Variants in VPS13D observed in about 807,000 individuals in gnomAD.
The protein encoded by VPS13D is intermembrane lipid transfer protein VPS13D.
A neutral mutation model predicts 461.9 loss-of-function variants in VPS13D; 187 were observed. The observed-to-expected ratio is 0.40, with a 90% CI of 0.36 to 0.46. The LOEUF (loss-of-function observed/expected upper bound fraction) is 0.46. Among genes scored for constraint, VPS13D ranks in the 20% least tolerant of loss-of-function variants. VPS13D has a pLI of 0.60. For missense variants in VPS13D, 4,711 were observed against 5,364.9 expected (o/e 0.88, Z 3.81); for synonymous variants, 1,951 against 1,986.3 (o/e 0.98, Z 0.47).
At chr1:12,432,385 A>G (rs1485857176) in intron 65 of VPS13D, among the ~76,000 whole-genome samples, 1 of 146,982 alleles carries the variant, frequency 6.8e-6, no homozygotes, top group East Asian at 2.0e-4. Context: ...CAAGAGCAAA[A>G]CTCCGTCTCA....
chr1:12,323,570 G>A (rs1643100635), intron 34 of VPS13D, 136 bp from the exon 35 acceptor site: 2 of 728,672 alleles, frequency 2.7e-6, no homozygotes, highest in African/African-American at 1.8e-5. Flanking sequence ...TCTCCAATTA[G>A]GAGTCCAGTT....
At chr1:12,432,039 C>T (rs748225009) in intron 65 of VPS13D, among the ~76,000 whole-genome samples, 3 of 152,074 alleles carry the variant, frequency 2.0e-5, no homozygotes, top group Admixed American at 6.6e-5. Context: ...TCTAAATGTT[C>T]ATATGTTTTT....
At chr1:12,238,835 A>G (rs951355812) in intron 2 of VPS13D, among the ~76,000 whole-genome samples, 6 of 151,836 alleles carry the variant, frequency 4.0e-5, no homozygotes, top group South Asian at 4.2e-4. Flanking sequence ...GGGTTTCACT[A>G]TGTTGCCTAG....
rs986892406 is a variant in VPS13D at position 12,290,445 on chromosome 1, G to A, written c.5726-553G>A. 2.0e-5 allele frequency among the ~76,000 whole-genome samples: 3 copies of A among 152,062 alleles called. No individual in the cohort carries two copies. In the South Asian group the frequency reaches 6.2e-4, roughly 32 times the overall value. On this transcript the variant is annotated intron_variant, in intron 22 of 69. Transcript: ENST00000620676. ...TATCCTTTAAATATGTAATGTTGCC[G>A]GGCGCGGTGGCTCACACCTGTAATC...
chr1:12,368,046 T>G (rs548843248), intron 52 of VPS13D, among the ~76,000 whole-genome samples: 32 of 152,288 alleles, frequency 2.1e-4, no homozygotes, highest in African/African-American at 7.7e-4. Context: ...GCTGGGATTA[T>G]AGGTGTGAGC....
intron 60 of VPS13D, among the ~76,000 whole-genome samples, chr1:12,398,234 G>A (rs1319066812): frequency 6.6e-6 from 1 of 152,200 alleles, no homozygotes. Flanking sequence ...GTACAGAAAT[G>A]TCTATTTGGA....
intron 65 of VPS13D, among the ~76,000 whole-genome samples, chr1:12,424,660 T>G (rs1644902448): frequency 6.6e-6 from 1 of 152,226 alleles, no homozygotes; most frequent in Non-Finnish European, 1.5e-5. Context: ...TAGCCAGAAG[T>G]GACAGAGCAG....
chr1:12,479,579 A>T (rs952822238), intron 67 of VPS13D, among the ~76,000 whole-genome samples: 3 of 152,176 alleles, frequency 2.0e-5, no homozygotes, highest in Non-Finnish European at 4.4e-5. Flanking sequence ...CACACAGGGG[A>T]TACGTAACTT....
Position 12,354,056 on chromosome 1 carries a change from A to G in VPS13D, c.9514A>G (p.Arg3172Gly). The G allele has an allele frequency of 6.2e-7, 1 of 1,614,206 alleles. No homozygotes were observed. The highest frequency in any genetic ancestry group is 8.5e-7 in the Non-Finnish European group (1 of 1,180,040). The stretch of plus-strand genomic sequence containing the variant: ...TTCTGACAGTGCAAAACAGATTTTC[A>G]GACAGCCTGGGCATACCATATATCT... ...IFSDSAKQIF[R>G]QPGHTIYLLP... The change falls in exon 47 of 70, where the codon AGA becomes GGA. Residue 3172 changes from arginine to glycine, a missense_variant. By Grantham distance (125) the Arg-to-Gly change is moderately radical. Around this residue, in one of 3 missense-constraint regions of VPS13D, gnomAD observed 4,411 missense variants for 4,937.8 expected, o/e 0.89. Coordinates refer to ENST00000620676, the MANE Select transcript of VPS13D (RefSeq NM_015378.4).
chr1:12,424,633 C>G (rs1169507757), intron 65 of VPS13D, among the ~76,000 whole-genome samples: 2 of 152,132 alleles, frequency 1.3e-5, no homozygotes, highest in African/African-American at 4.8e-5. Context: ...CTTTTCCACC[C>G]TAATCAGGTA....
chr1:12,257,178 C>T, intron 9 of VPS13D, 91 bp downstream of exon 9: 1 of 1,153,286 alleles, frequency 8.7e-7, no homozygotes, highest in Non-Finnish European at 1.3e-6. Flanking sequence ...TGTCCTTTAC[C>T]CATGTTTGGA....
chr1:12,433,338 G>T lies in VPS13D; in HGVS notation c.12333+16511G>T, dbSNP rs186859604. 3.3e-5 allele frequency among the ~76,000 whole-genome samples: 5 copies of T among 151,954 alleles called. No individual in the cohort carries two copies. In the East Asian group the frequency reaches 9.6e-4, roughly 29 times the overall value. On this transcript the variant is annotated intron_variant, in intron 65 of 69. Coordinates refer to ENST00000620676, the MANE Select transcript of VPS13D (RefSeq NM_015378.4). ...TGACTGAGTCCCAACCCTTCTTCAGGCCAGATGAAATCATGGTCCCTGCTG... is the reference window on the plus strand; with the variant it reads ...TGACTGAGTCCCAACCCTTCTTCAGTCCAGATGAAATCATGGTCCCTGCTG...
intron 3 of VPS13D, among the ~76,000 whole-genome samples, chr1:12,243,002 G>T (rs1640430973): frequency 6.6e-6 from 1 of 150,946 alleles, no homozygotes; most frequent in Admixed American, 6.6e-5. Context: ...ACCGAGGCTG[G>T]AGTGCCGTGG....
chr1:12,445,357 G>A (rs975267434), intron 65 of VPS13D, among the ~76,000 whole-genome samples: 5 of 152,334 alleles, frequency 3.3e-5, no homozygotes, highest in Middle Eastern at 3.4e-3. Flanking sequence ...AGGATAGGCC[G>A]TGTAGCCACC....
intron 63 of VPS13D, among the ~76,000 whole-genome samples, chr1:12,406,809 G>A (rs1444679432): frequency 6.6e-6 from 1 of 152,158 alleles, no homozygotes; most frequent in African/African-American, 2.4e-5. Flanking sequence ...GAGGCCAGGA[G>A]CCTTTAAACG....
In VPS13D at chr1:12,479,065, G is replaced by A. The variant is rs375226029; in HGVS notation, c.12663-18435G>A. ...GAGCCCAGAGTTCTCACTGTCCGAG[G>A]CCGGTGGCCCCATGGGAACTCTGTC... On this transcript the variant is annotated intron_variant, in intron 67 of 69. Coordinates refer to ENST00000620676, the MANE Select transcript of VPS13D (RefSeq NM_015378.4). 7.9e-5 allele frequency among the ~76,000 whole-genome samples: 12 copies of A among 152,326 alleles called. No homozygotes were observed. The East Asian group carries it at 2.3e-3, about 29-fold the overall frequency.
chr1:12,294,457 A>G (rs574502900), intron 24 of VPS13D, among the ~76,000 whole-genome samples: 2 of 152,370 alleles, frequency 1.3e-5, no homozygotes, highest in Non-Finnish European at 2.9e-5. Context: ...ATTGAATGCC[A>G]ACTACCACAA....
chr1:12,291,498 C>G (rs1280611057), intron 23 of VPS13D, among the ~76,000 whole-genome samples: 1 of 152,156 alleles, frequency 6.6e-6, no homozygotes, highest in Non-Finnish European at 1.5e-5. Flanking sequence ...TGGTATGCAA[C>G]TGTAGTTCTA....
chr1:12,349,511 T>C lies in VPS13D; in HGVS notation c.9431+137T>C, dbSNP rs562004456. 7.7e-5 allele frequency: 73 copies of C among 948,580 alleles called. No individual in the cohort carries two copies. The African/African-American group carries it at 1.0e-3, about 13-fold the overall frequency. 58.8% of individuals were successfully genotyped at this position (948,580 alleles called of 1,614,324 possible). ...AACTCTAAAGTTCTTATTCCTTGAG[T>C]TTTAGTTAGAGTTCATGAGAACTCA... On this transcript the variant is annotated intron_variant, in intron 46 of 69. Coordinates refer to ENST00000620676, the MANE Select transcript of VPS13D (RefSeq NM_015378.4).
Sources: gnomAD v4.1 joint callset for allele counts (sites outside exome capture counted in the v4.1 genomes callset) on GRCh38, gnomAD v4.1.1 for gene constraint, gnomAD v4.1.1 regional missense constraint, MANE v1.5 for transcripts, NCBI Gene and HGNC (gene_info 2026-07-23, HGNC 2026-07-21) for gene names.